The following BCL11A variants were observed in gnomAD, a reference collection of about 807,000 sequenced individuals.
BCL11A encodes B cell CLL/lymphoma 11A.
Under a neutral mutation model 55.9 loss-of-function variants are expected in BCL11A, and 2 were observed. That is an observed-to-expected ratio of 0.04 (90% confidence interval 0.01 to 0.11). The LOEUF (loss-of-function observed/expected upper bound fraction) is 0.11. Ranked by LOEUF, BCL11A falls within the 10% of genes least tolerant of loss-of-function variation. BCL11A has a pLI of 1.00. For missense variants in BCL11A, 817 were observed against 1,137.1 expected (o/e 0.72, Z 4.05); for synonymous variants, 465 against 473.4 (o/e 0.98, Z 0.23).
Position 60,461,004 on chromosome 2 carries a change from G to T in BCL11A, c.1908C>A (p.Ile636=). The T allele has an allele frequency of 6.2e-7, 1 of 1,608,736 alleles. No individual in the cohort carries two copies. Residue 636 remains isoleucine, a synonymous_variant, in exon 4 of 4, where the codon ATC becomes ATA. Transcript: ENST00000642384. ...PSSLSPFSKR[I]KLEKEFDLPP... The stretch of plus-strand genomic sequence containing the variant: ...GCAGGTCGAACTCCTTCTCGAGCTT[G>T]ATGCGCTTAGAGAAGGGGCTCAGCG...
At chr2:60,531,081 T>C (rs556851724) in intron 2 of BCL11A, among the ~76,000 whole-genome samples, 5 of 151,880 alleles carry the variant, frequency 3.3e-5, no homozygotes, top group African/African-American at 1.2e-4. Context: ...GCCACTAACC[T>C]CTTTTCTTTA....
At chr2:60,520,798 C>T (rs1668945686) in intron 2 of BCL11A, among the ~76,000 whole-genome samples, 1 of 150,830 alleles carries the variant, frequency 6.6e-6, no homozygotes, top group Non-Finnish European at 1.5e-5. Flanking sequence ...TACCACCCAT[C>T]AGATCAGCCA....
chr2:60,552,177 G>T (rs1158195940), intron 1 of BCL11A, among the ~76,000 whole-genome samples: 1 of 151,988 alleles, frequency 6.6e-6, no homozygotes. Flanking sequence ...GGCCGTCACA[G>T]AAAAGGGTTG....
At chr2:60,452,200 T>C (rs1675752665), downstream of BCL11A, 1 of 236,086 alleles carries the variant, frequency 4.2e-6, no homozygotes, top group Admixed American at 5.5e-5. Flanking sequence ...GCACACTTTT[T>C]AAAAGACAAC....
downstream of BCL11A, among the ~76,000 whole-genome samples, chr2:60,453,558 C>A (rs150349876): frequency 2.4e-4 from 37 of 152,342 alleles, no homozygotes; most frequent in African/African-American, 7.9e-4. Flanking sequence ...GAGACCTGGG[C>A]TGAGGGGCAT....
rs554884428 is a variant in BCL11A, at chr2:60,460,774, C to T, written c.2138G>A (p.Arg713His). The change falls in exon 4 of 4, where the codon CGC (arginine) becomes CAC (histidine). Residue 713 changes from arginine to histidine, a missense_variant. Arg to His is a conservative substitution (Grantham distance 29). Transcript: ENST00000642384. ...PGELDGGISG[R>H]SGTGSGGSTP... The stretch of plus-strand genomic sequence containing the variant: ...GCTCCCTCCACTTCCCGTGCCGCTG[C>T]GCCCCGAGATCCCTCCGTCCAGCTC... 2 of 1,613,256 alleles carry T rather than the reference C, an allele frequency of 1.2e-6. No homozygotes were observed. Among genetic ancestry groups the T allele is most frequent in the Non-Finnish European group, 1.7e-6 (2 of 1,180,040 alleles).
intron 2 of BCL11A, among the ~76,000 whole-genome samples, chr2:60,480,439 T>G (rs1002599768): frequency 2.6e-5 from 4 of 152,200 alleles, no homozygotes; most frequent in Non-Finnish European, 5.9e-5. Flanking sequence ...AGTGAACTTT[T>G]CTTCCTGTTG....
chr2:60,467,993 ATGG>A (rs1218650598), intron 3 of BCL11A, among the ~76,000 whole-genome samples: 9 of 6,158 alleles, frequency 1.5e-3, no homozygotes, highest in South Asian at 4.4e-3. Context: ...GGTGGTGGTA[ATGG>A]TGGTGGTGGT....
chr2:60,504,871 C>T (rs1256142843), intron 2 of BCL11A, among the ~76,000 whole-genome samples: 1 of 152,180 alleles, frequency 6.6e-6, no homozygotes, highest in African/African-American at 2.4e-5. Flanking sequence ...CCACTAGCTT[C>T]CTTGCTCCAA....
chr2:60,490,707 T>C (rs1678581487), intron 2 of BCL11A, among the ~76,000 whole-genome samples: 1 of 152,190 alleles, frequency 6.6e-6, no homozygotes, highest in African/African-American at 2.4e-5. Context: ...ATGAGTTTCT[T>C]CAATACAGGG....
intron 2 of BCL11A, among the ~76,000 whole-genome samples, chr2:60,494,445 G>A (rs1265631929): frequency 6.6e-6 from 1 of 152,192 alleles, no homozygotes; most frequent in East Asian, 1.9e-4. Flanking sequence ...TTGCCAAGAT[G>A]GGAGTATGGG....
chr2:60,461,312 C>T lies in BCL11A; in HGVS notation c.1600G>A (p.Val534Met), dbSNP rs773235162. ...GCGCGGCTCTCGTCGCCCACGCCCACGACCGCGCCCCGCGAGCTGTTCTCG... is the reference window on the plus strand; with the variant it reads ...GCGCGGCTCTCGTCGCCCACGCCCATGACCGCGCCCCGCGAGCTGTTCTCG... ...HHENSSRGAV[V>M]GVGDESRALP... Residue 534 changes from valine to methionine, a missense_variant, in exon 4 of 4, where the codon GTG (valine) becomes ATG (methionine). Physicochemically the swap from Val to Met is conservative, Grantham distance 21 (BLOSUM62 1). Around this residue, in one of 4 missense-constraint regions of BCL11A, gnomAD observed 379 missense variants for 425.3 expected, o/e 0.89. Coordinates refer to ENST00000642384, the MANE Select transcript of BCL11A (RefSeq NM_022893.4). 2 of 1,600,478 alleles carry T rather than the reference C, an allele frequency of 1.2e-6. No individual in the cohort carries two copies. Among genetic ancestry groups the T allele is most frequent in the Admixed American group, 3.4e-5 (2 of 59,690 alleles).
rs565764220 is a variant in BCL11A at position 60,516,478 on chromosome 2, T to C, written c.385+29493A>G. 1.6e-3 allele frequency among the ~76,000 whole-genome samples: 238 copies of C among 152,340 alleles called. No homozygotes were observed. The highest frequency in any genetic ancestry group is 2.6e-3 in the Non-Finnish European group (180 of 68,038). ...CACTCACTATATTTCTCAGCCTCCA[T>C]GAAGTCGTCACTGGGAGAGGAGCCA... On this transcript the variant is annotated intron_variant, in intron 2 of 3. Coordinates refer to ENST00000642384, the MANE Select transcript of BCL11A (RefSeq NM_022893.4).
intron 2 of BCL11A, among the ~76,000 whole-genome samples, chr2:60,516,174 A>G (rs76728693): frequency 3.6e-3 from 553 of 152,276 alleles, no homozygotes; most frequent in South Asian, 0.012. Context: ...TTTTCATATC[A>G]TCCTACACAC....
chr2:60,534,328 G>C (rs1434340620), intron 2 of BCL11A: 1 of 152,206 alleles, frequency 6.6e-6, no homozygotes, highest in African/African-American at 2.4e-5. Flanking sequence ...GCCAAACCCA[G>C]GCCCAAGTCC....
At chr2:60,540,946 T>TTGTGTGTGTGTGTGTGTG (rs368895286) in intron 2 of BCL11A, among the ~76,000 whole-genome samples, 11 of 140,318 alleles carry the variant, frequency 7.8e-5, no homozygotes, top group East Asian at 2.1e-4. Flanking sequence ...AGCACTGGTT[T>TTGTGTGTGTGTGTGTGTG]TGTGTGTGTG....
At chr2:60,518,345 C>A (rs1283468485) in intron 2 of BCL11A, among the ~76,000 whole-genome samples, 1 of 152,198 alleles carries the variant, frequency 6.6e-6, no homozygotes, top group African/African-American at 2.4e-5. Context: ...CAGTGTGTTA[C>A]AGCCTGTCAT....
intron 2 of BCL11A, among the ~76,000 whole-genome samples, chr2:60,498,017 G>T (rs1228499946): frequency 6.6e-6 from 1 of 152,082 alleles, no homozygotes; most frequent in Admixed American, 6.6e-5. Context: ...GCCCATGGAG[G>T]TGGGGAGATG....
At position 60,471,560 on chromosome 2, in the gene BCL11A, C is replaced by A. The variant is rs1677197405; in HGVS notation, c.386-2727G>T. Among the ~76,000 whole-genome samples, 3 of 152,196 alleles carry A rather than the reference C, an allele frequency of 2.0e-5. No individual in the cohort carries two copies. In the South Asian group the frequency reaches 6.2e-4, roughly 31 times the overall value. On this transcript the variant is annotated intron_variant, in intron 2 of 3. Coordinates refer to ENST00000642384, the MANE Select transcript of BCL11A (RefSeq NM_022893.4). ...TCACGGCTTAGGCAAAGTAAAGTAT[C>A]ACAATTAATGCTTCTGAGCGTCAAA...
Sources: gnomAD v4.1 joint callset for allele counts (sites outside exome capture counted in the v4.1 genomes callset) on GRCh38, gnomAD v4.1.1 for gene constraint, gnomAD v4.1.1 regional missense constraint, MANE v1.5 for transcripts, NCBI Gene and HGNC (gene_info 2026-07-23, HGNC 2026-07-21) for gene names.